Variants in NXPH1 observed in about 807,000 individuals in gnomAD.
NXPH1 encodes the protein neurexophilin-1.
A neutral mutation model predicts 23.7 loss-of-function variants in NXPH1; 5 were observed. The ratio of observed to expected loss-of-function variants is 0.21; its 90% confidence interval spans 0.11 to 0.44. NXPH1 has a LOEUF of 0.44. Ranked by LOEUF, NXPH1 falls within the 20% of genes least tolerant of loss-of-function variation. The pLI is 0.99. For missense variants in NXPH1, 324 were observed against 321.6 expected, an observed-to-expected ratio of 1.01 and a Z score of -0.06; for synonymous variants, 144 against 122.2, an observed-to-expected ratio of 1.18 and a Z score of -1.18.
At chr7:8,490,678 T>C (rs1349666167) in intron 2 of NXPH1, among the ~76,000 whole-genome samples, 3 of 152,018 alleles carry the variant, frequency 2.0e-5, no homozygotes, top group African/African-American at 4.8e-5. Flanking sequence ...ATCTGTGTTA[T>C]AAAATGTGAG....
chr7:8,485,759 G>C (rs886655), intron 2 of NXPH1, among the ~76,000 whole-genome samples: 90,479 of 152,068 alleles, frequency 0.59, 29,645 homozygotes, highest in African/African-American at 0.88. Context: ...TTTCAAGGGA[G>C]ACATCAGAGG....
At chr7:8,481,212 G>A (rs530167815) in intron 2 of NXPH1, among the ~76,000 whole-genome samples, 17 of 152,184 alleles carry the variant, frequency 1.1e-4, no homozygotes, top group African/African-American at 2.9e-4. Context: ...TCTCCTTTGC[G>A]GAACTCATAT....
intron 2 of NXPH1, among the ~76,000 whole-genome samples, chr7:8,504,842 C>T (rs1218691371): frequency 6.6e-6 from 1 of 152,042 alleles, no homozygotes; most frequent in East Asian, 1.9e-4. Context: ...CAACTGAAAA[C>T]CAGGAAGCAG....
intron 2 of NXPH1, among the ~76,000 whole-genome samples, chr7:8,560,721 C>T (rs1818429581): frequency 6.6e-6 from 1 of 151,722 alleles, no homozygotes; most frequent in East Asian, 2.0e-4. Context: ...GTGTAACTTT[C>T]CTGGCAGAGT....
intron 2 of NXPH1, among the ~76,000 whole-genome samples, chr7:8,720,228 C>G (rs915092972): frequency 6.6e-6 from 1 of 152,186 alleles, no homozygotes; most frequent in Non-Finnish European, 1.5e-5. Context: ...ATAGGTAGTA[C>G]AACCACCTTT....
intron 2 of NXPH1, among the ~76,000 whole-genome samples, chr7:8,443,562 C>T (rs1816343404): frequency 6.6e-6 from 1 of 152,218 alleles, no homozygotes; most frequent in South Asian, 2.1e-4. Flanking sequence ...CCTTTAGCGG[C>T]GCGCAGGGGT....
intron 2 of NXPH1, among the ~76,000 whole-genome samples, chr7:8,470,127 G>A (rs1265914478): frequency 6.6e-6 from 1 of 152,134 alleles, no homozygotes; most frequent in East Asian, 1.9e-4. Flanking sequence ...GTACTTTTGG[G>A]CTGAGTTTAG....
At chr7:8,515,924 T>C in intron 2 of NXPH1, among the ~76,000 whole-genome samples, 1 of 152,124 alleles carries the variant, frequency 6.6e-6, no homozygotes, top group Non-Finnish European at 1.5e-5. Context: ...TCTTCCCTTC[T>C]TCTGTTCTTA....
intron 2 of NXPH1, among the ~76,000 whole-genome samples, chr7:8,629,569 G>A (rs1352743611): frequency 6.6e-6 from 1 of 152,062 alleles, no homozygotes; most frequent in Admixed American, 6.6e-5. Flanking sequence ...AATATTACAA[G>A]CTGTTATGTA....
intron 2 of NXPH1, among the ~76,000 whole-genome samples, chr7:8,748,318 A>G (rs1780506283): frequency 6.6e-6 from 1 of 152,202 alleles, no homozygotes; most frequent in African/African-American, 2.4e-5. Context: ...TACCAAAGCA[A>G]GGGTTGAGCA....
At position 8,751,277 on chromosome 7, in the gene NXPH1, C is replaced by A. The variant is rs927865734; in HGVS notation, c.324C>A (p.Pro108=). The A allele has an allele frequency of 6.2e-7, 1 of 1,613,916 alleles. No homozygotes were observed. The highest frequency in any genetic ancestry group is 8.5e-7 in the Non-Finnish European group (1 of 1,179,848). ...QEPRPRAKRR[P]IVKTGKFKKM... is the part of the protein sequence containing the mutation. ...CTCGGCCCAGGGCCAAGAGAAGGCC[C>A]ATTGTTAAAACGGGCAAGTTTAAGA... Residue 108 remains proline, a synonymous_variant, in exon 3 of 3, where the codon CCC becomes CCA. Coordinates refer to ENST00000405863, the MANE Select transcript of NXPH1 (RefSeq NM_152745.3). The surrounding 1 kb of genome is among the most constrained non-coding windows in gnomAD (Gnocchi z 4.5).
rs374966340 is a variant in NXPH1 at position 8,751,763 on chromosome 7, G to A, written c.810G>A (p.Ser270=). The change falls in exon 3 of 3, where the codon TCG becomes TCA. Residue 270 remains serine, a synonymous_variant. Transcript: ENST00000405863. This position sits in a 1 kb window ranked among gnomAD's most constrained non-coding sequence, Gnocchi z 4.5. ...ACAGTGACACACCTTACTTTCCCTCGGGATGAAGGTGAACATGGGGGTGAG... is the reference window on the plus strand; with the variant it reads ...ACAGTGACACACCTTACTTTCCCTCAGGATGAAGGTGAACATGGGGGTGAG... ...NYHSDTPYFP[S]G is the part of the protein sequence containing the mutation. The A allele has an allele frequency of 1.1e-4, 175 of 1,606,910 alleles. No homozygotes were observed. Among genetic ancestry groups the A allele is most frequent in the South Asian group, 2.7e-4 (24 of 90,434 alleles).
At chr7:8,455,036 G>A (rs1341501208) in intron 2 of NXPH1, among the ~76,000 whole-genome samples, 1 of 152,062 alleles carries the variant, frequency 6.6e-6, no homozygotes, top group Non-Finnish European at 1.5e-5. Flanking sequence ...CATTTGTGTA[G>A]CCATTAACAG....
intron 2 of NXPH1, among the ~76,000 whole-genome samples, chr7:8,510,453 C>T (rs879512300): frequency 5.3e-5 from 8 of 151,720 alleles, no homozygotes; most frequent in Admixed American, 2.0e-4. Context: ...AATTTGCACT[C>T]GAATCTAAGA....
At chr7:8,501,954 T>C (rs1226546954) in intron 2 of NXPH1, among the ~76,000 whole-genome samples, 1 of 152,014 alleles carries the variant, frequency 6.6e-6, no homozygotes, top group African/African-American at 2.4e-5. Context: ...ATTATACAAT[T>C]AGAGAAAAAA....
At chr7:8,580,007 G>A (rs1343761438) in intron 2 of NXPH1, among the ~76,000 whole-genome samples, 1 of 152,166 alleles carries the variant, frequency 6.6e-6, no homozygotes, top group African/African-American at 2.4e-5. Context: ...GGAGAGAGAT[G>A]GGAAGAGTCT....
chr7:8,450,784 T>C (rs527236573), intron 2 of NXPH1, among the ~76,000 whole-genome samples: 1 of 152,264 alleles, frequency 6.6e-6, no homozygotes, highest in Non-Finnish European at 1.5e-5. Flanking sequence ...GAAGGTCATA[T>C]TCATATTCTC....
chr7:8,448,350 G>A (rs1301066033), intron 2 of NXPH1, among the ~76,000 whole-genome samples: 1 of 152,218 alleles, frequency 6.6e-6, no homozygotes, highest in African/African-American at 2.4e-5. Context: ...AGGTTCCCAT[G>A]TGCTTCCAGC....
At chr7:8,605,128 T>C (rs185023743) in intron 2 of NXPH1, among the ~76,000 whole-genome samples, 7 of 152,254 alleles carry the variant, frequency 4.6e-5, no homozygotes, top group Non-Finnish European at 7.4e-5. Flanking sequence ...AATTACTAGA[T>C]TCCTAATAGG....
Sources: allele counts gnomAD v4.1 joint callset (sites outside exome capture counted in the v4.1 genomes callset), GRCh38; gene constraint gnomAD v4.1.1; non-coding constraint Gnocchi (gnomAD v3.1); transcripts MANE v1.5; gene names NCBI Gene and HGNC (gene_info 2026-07-23, HGNC 2026-07-21).